Variants in MOB3B observed in about 807,000 individuals in gnomAD.
MOB3B encodes MOB kinase activator 3B, also known as MOB kinase activator-like 2B.
Under a neutral mutation model 18.7 loss-of-function variants are expected in MOB3B, and 7 were observed. The observed-to-expected ratio is 0.37, with a 90% confidence interval of 0.21 to 0.70. The LOEUF (loss-of-function observed/expected upper bound fraction) is 0.70, where lower values mean the gene tolerates loss of function less well. Ranked by LOEUF, MOB3B falls within the 30% of genes least tolerant of loss-of-function variation. The pLI, the probability that MOB3B is intolerant of heterozygous loss-of-function variation, is 0.52. For missense variants in MOB3B, 253 were observed against 281.3 expected, an observed-to-expected ratio of 0.90 and a Z score of 0.72; for synonymous variants, 111 against 99.9, an observed-to-expected ratio of 1.11 and a Z score of -0.66.
At chr9:27,501,376 A>G (rs1030210318) in intron 1 of MOB3B, among the ~76,000 whole-genome samples, 1 of 152,154 alleles carries the variant, frequency 6.6e-6, no homozygotes, top group African/African-American at 2.4e-5. Flanking sequence ...GATAGACTGG[A>G]TTAAGAAAAT....
rs1200851497 is a variant in MOB3B at position 27,330,574 on chromosome 9, G to T, written c.*13C>A. The T allele has an allele frequency of 6.2e-7, 1 of 1,613,786 alleles. No homozygotes were observed. Among genetic ancestry groups the T allele is most frequent in the African/African-American group, 1.3e-5 (1 of 74,924 alleles). On this transcript the variant is annotated 3_prime_UTR_variant, in exon 4 of 4. Coordinates refer to ENST00000262244, the MANE Select transcript of MOB3B (RefSeq NM_024761.5). ...AAACAGCTTTCCTTTCTTCCAAAGG[G>T]TGAGGTGGAGCATTAGTGACACATC...
In MOB3B at chr9:27,328,197, CA is replaced by C. The variant is rs1366519034; in HGVS notation, c.*2389del. 1 of 151,464 alleles carries C rather than the reference CA, an allele frequency of 6.6e-6. No homozygotes were observed. Among genetic ancestry groups the C allele is most frequent in the African/African-American group, 2.4e-5 (1 of 41,274 alleles). 9.4% of individuals were successfully genotyped at this position (151,464 alleles called of 1,614,324 possible). On this transcript the variant is annotated 3_prime_UTR_variant, in exon 4 of 4. Transcript: ENST00000262244. ...AAATTTCCCAAAATTAAAATGAAAG[CA>C]GAAAAAGAAGGAGAGTAGGACAGGT...
At chr9:27,416,329 A>G (rs1822147832) in intron 2 of MOB3B, among the ~76,000 whole-genome samples, 1 of 152,138 alleles carries the variant, frequency 6.6e-6, no homozygotes, top group Non-Finnish European at 1.5e-5. Context: ...TGAAATGGCA[A>G]TAGTAGAGGG....
intron 2 of MOB3B, among the ~76,000 whole-genome samples, chr9:27,452,200 C>T (rs1822800837): frequency 6.7e-6 from 1 of 149,728 alleles, no homozygotes; most frequent in South Asian, 2.1e-4. Flanking sequence ...ATCCATCCAC[C>T]CACCCGTCCA....
intron 2 of MOB3B, among the ~76,000 whole-genome samples, chr9:27,450,232 TCAATTTAGAG>T (rs1300893508): frequency 2.0e-5 from 3 of 152,148 alleles, no homozygotes; most frequent in Non-Finnish European, 4.4e-5. Context: ...ATGTACAGAA[TCAATTTAGAG>T]CAACTAGACA....
chr9:27,438,614 G>A (rs1460839137), intron 2 of MOB3B, among the ~76,000 whole-genome samples: 2 of 152,176 alleles, frequency 1.3e-5, no homozygotes, highest in Non-Finnish European at 2.9e-5. Flanking sequence ...CTGAGCTCCA[G>A]TTTTGGTCAT....
At chr9:27,522,881 TA>T (rs1304523703) in intron 1 of MOB3B, among the ~76,000 whole-genome samples, 1 of 151,808 alleles carries the variant, frequency 6.6e-6, no homozygotes, top group African/African-American at 2.4e-5. Context: ...GCCCATGAAA[TA>T]AGAATTTATG....
At position 27,456,777 on chromosome 9, in the gene MOB3B, T is replaced by C. The variant is rs375000540; in HGVS notation, c.-198-1029A>G. On this transcript the variant is annotated intron_variant, in intron 1 of 3. Coordinates refer to ENST00000262244, the MANE Select transcript of MOB3B (RefSeq NM_024761.5). ...TGTGTTATATCTATGGTGTTGAATATGGTACACACTAGCCACATGTGGCTA... is the reference window on the plus strand; with the variant it reads ...TGTGTTATATCTATGGTGTTGAATACGGTACACACTAGCCACATGTGGCTA... 3.3e-4 allele frequency among the ~76,000 whole-genome samples: 51 copies of C among 152,362 alleles called. 1 individual carries two copies. The East Asian group carries it at 7.9e-3, about 24-fold the overall frequency.
At chr9:27,429,667 G>A (rs1822389147) in intron 2 of MOB3B, among the ~76,000 whole-genome samples, 1 of 152,140 alleles carries the variant, frequency 6.6e-6, no homozygotes, top group Non-Finnish European at 1.5e-5. Flanking sequence ...GGGAAAAGGA[G>A]TACTCAGATG....
chr9:27,518,434 A>G (rs1032966824), intron 1 of MOB3B, among the ~76,000 whole-genome samples: 1 of 152,222 alleles, frequency 6.6e-6, no homozygotes, highest in Non-Finnish European at 1.5e-5. Flanking sequence ...TAAAAGCCCC[A>G]TTCGGGCTCA....
At chr9:27,379,438 G>A (rs1423099850) in intron 2 of MOB3B, among the ~76,000 whole-genome samples, 2 of 152,086 alleles carry the variant, frequency 1.3e-5, no homozygotes, top group Non-Finnish European at 2.9e-5. Flanking sequence ...TCTGAACCAG[G>A]ACCAGTCATT....
intron 1 of MOB3B, among the ~76,000 whole-genome samples, chr9:27,474,848 T>G (rs1165262766): frequency 6.6e-6 from 1 of 152,212 alleles, no homozygotes; most frequent in African/African-American, 2.4e-5. Flanking sequence ...AAACCCACCT[T>G]TAACAATCTA....
chr9:27,501,624 T>G (rs1167474905), intron 1 of MOB3B, among the ~76,000 whole-genome samples: 2 of 145,754 alleles, frequency 1.4e-5, no homozygotes, highest in South Asian at 2.4e-4. Flanking sequence ...GGGGGAAGGA[T>G]AGCATTGGGA....
chr9:27,389,053 A>T (rs1821689369), intron 2 of MOB3B, among the ~76,000 whole-genome samples: 1 of 151,910 alleles, frequency 6.6e-6, no homozygotes, highest in African/African-American at 2.4e-5. Flanking sequence ...TAAAGCTATC[A>T]CTCTTGACCT....
intron 2 of MOB3B, among the ~76,000 whole-genome samples, chr9:27,385,011 A>T (rs1311756567): frequency 6.6e-6 from 1 of 152,186 alleles, no homozygotes; most frequent in Non-Finnish European, 1.5e-5. Flanking sequence ...TTTGGGGACA[A>T]CTAAGGGATG....
At chr9:27,455,017 AT>A in intron 2 of MOB3B, 115 bp downstream of exon 2, 1 of 1,036,872 alleles carries the variant, frequency 9.6e-7, no homozygotes, top group Non-Finnish European at 1.5e-6. Flanking sequence ...CACTACAGGT[AT>A]GTGAGTGATG....
At chr9:27,469,743 T>C (rs761603310) in intron 1 of MOB3B, among the ~76,000 whole-genome samples, 1 of 152,160 alleles carries the variant, frequency 6.6e-6, no homozygotes, top group East Asian at 1.9e-4. Flanking sequence ...AATGGATCTG[T>C]TTAATACTTC....
chr9:27,419,410 A>G (rs1204537544), intron 2 of MOB3B, among the ~76,000 whole-genome samples: 1 of 152,194 alleles, frequency 6.6e-6, no homozygotes, highest in African/African-American at 2.4e-5. Context: ...AAACTATACC[A>G]TAAGGGCATA....
chr9:27,438,617 T>C (rs1822547735), intron 2 of MOB3B, among the ~76,000 whole-genome samples: 1 of 152,166 alleles, frequency 6.6e-6, no homozygotes, highest in Admixed American at 6.5e-5. Flanking sequence ...AGCTCCAGTT[T>C]TGGTCATATT....
Sources: gnomAD v4.1 joint callset for allele counts (sites outside exome capture counted in the v4.1 genomes callset) on GRCh38, gnomAD v4.1.1 for gene constraint, MANE v1.5 for transcripts, NCBI Gene and HGNC (gene_info 2026-07-23, HGNC 2026-07-21) for gene names.